Variants in PRRG1 observed in about 807,000 individuals in gnomAD.
PRRG1 encodes transmembrane gamma-carboxyglutamic acid protein 1.
In PRRG1, 5 loss-of-function variants were observed where a neutral mutation model predicts 11.8. The ratio of observed to expected loss-of-function variants is 0.42; its 90% CI spans 0.22 to 0.89. PRRG1 has a LOEUF of 0.89. Ranked by LOEUF, PRRG1 falls within the 40% of genes least tolerant of loss-of-function variation. PRRG1 has a pLI of 0.28. For synonymous variants in PRRG1, 66 were observed against 60.4 expected (o/e 1.09, Z -0.43); for missense variants, 155 against 166.1 (o/e 0.93, Z 0.37).
At chrX:37,399,412 T>G (rs1931864452) in intron 1 of PRRG1, among the ~76,000 whole-genome samples, 1 of 107,673 alleles carries the variant, frequency 9.3e-6, no homozygotes, top group Non-Finnish European at 1.9e-5. Flanking sequence ...AATAAAATAC[T>G]TTACAGACAA....
intron 2 of PRRG1, among the ~76,000 whole-genome samples, chrX:37,419,046 T>C (rs1004306845): frequency 1.1e-4 from 12 of 112,312 alleles, no homozygotes; most frequent in African/African-American, 3.6e-4. Flanking sequence ...AGAATGAGAA[T>C]GGGTTTATTT....
intron 1 of PRRG1, among the ~76,000 whole-genome samples, chrX:37,403,391 A>T (rs1379690563): frequency 9.8e-6 from 1 of 102,365 alleles, no homozygotes; most frequent in Non-Finnish European, 2.0e-5. Context: ...AGAAAACCAA[A>T]CACCGCCTGT....
At position 37,436,259 on chromosome X, in the gene PRRG1, G is replaced by T. The variant is rs979698225; in HGVS notation, c.171+10259G>T. ...TCTTGTGCACTCCATGTGCCATTCT[G>T]CCGCCAAGTTGCTGCTATATTTTAG... On this transcript the variant is annotated intron_variant, in intron 3 of 3. Transcript: ENST00000378628. Among the ~76,000 whole-genome samples the T allele has an allele frequency of 2.7e-5, 3 of 111,733 alleles. No individual in the cohort carries two copies. In the South Asian group the frequency reaches 1.1e-3, roughly 42 times the overall value.
intron 2 of PRRG1, among the ~76,000 whole-genome samples, chrX:37,406,744 A>G (rs1354621474): frequency 9.0e-6 from 1 of 111,352 alleles, no homozygotes; most frequent in Non-Finnish European, 1.9e-5. Context: ...CATTAGATGA[A>G]TTCCTTTTGT....
chrX:37,404,947 G>A (rs1932140670), intron 1 of PRRG1, among the ~76,000 whole-genome samples: 1 of 111,854 alleles, frequency 8.9e-6, no homozygotes, highest in Non-Finnish European at 1.9e-5. Context: ...GAGCTCCAAA[G>A]AACAAGACTC....
intron 1 of PRRG1, chrX:37,403,847 C>G (rs1223864295): frequency 3.1e-5 from 18 of 584,550 alleles, no homozygotes; most frequent in African/African-American, 2.6e-4. Flanking sequence ...TTTTATCTCT[C>G]TAAGAAAATT....
intron 1 of PRRG1, among the ~76,000 whole-genome samples, chrX:37,382,987 A>G (rs936951992): frequency 9.0e-6 from 1 of 111,431 alleles, no homozygotes; most frequent in Non-Finnish European, 1.9e-5. Context: ...TGAAGAGTTT[A>G]AAAGCAAAAG....
chrX:37,364,407 T>G (rs1930507208), intron 1 of PRRG1, among the ~76,000 whole-genome samples: 1 of 112,157 alleles, frequency 8.9e-6, no homozygotes, highest in African/African-American at 3.2e-5. Context: ...CATTTTATCT[T>G]TTATCTAACA....
At chrX:37,402,373 C>G (rs1424512185) in intron 1 of PRRG1, among the ~76,000 whole-genome samples, 1 of 111,626 alleles carries the variant, frequency 9.0e-6, no homozygotes, top group Non-Finnish European at 1.9e-5. Context: ...CTGACAAAAA[C>G]AAGCAATGGG....
At position 37,453,333 on chromosome X, in the gene PRRG1, T is replaced by G. The variant is rs138349857; in HGVS notation, c.369T>G (p.Pro123=). The change falls in exon 4 of 4, where the codon CCT becomes CCG. Residue 123 remains proline, a synonymous_variant. Coordinates refer to ENST00000378628, the MANE Select transcript of PRRG1 (RefSeq NM_001142395.2). ...QTVTEGHIPF[P]QHLNIITPPP... ...TGACTGAAGGCCACATTCCTTTCCCTCAGCACCTTAATATTATCACCCCAC... is the reference window on the plus strand; with the variant it reads ...TGACTGAAGGCCACATTCCTTTCCCGCAGCACCTTAATATTATCACCCCAC... 7,610 of 1,207,027 alleles carry G rather than the reference T, an allele frequency of 6.3e-3. 22 individuals are homozygous for G. The highest frequency in any genetic ancestry group is 7.6e-3 in the Non-Finnish European group (6,772 of 893,531).
At chrX:37,407,739 TG>T (rs1932224297) in intron 2 of PRRG1, among the ~76,000 whole-genome samples, 2 of 112,149 alleles carry the variant, frequency 1.8e-5, no homozygotes, top group African/African-American at 6.5e-5. Flanking sequence ...ATATCTTCAT[TG>T]TTTTTTTAAT....
intron 3 of PRRG1, among the ~76,000 whole-genome samples, chrX:37,442,540 A>G (rs1449664275): frequency 1.8e-5 from 2 of 111,224 alleles, no homozygotes; most frequent in African/African-American, 3.3e-5. Context: ...ATGTGGGTGC[A>G]TGTACATGGT....
intron 2 of PRRG1, among the ~76,000 whole-genome samples, chrX:37,417,546 A>G (rs782570720): frequency 8.9e-6 from 1 of 111,897 alleles, no homozygotes; most frequent in Non-Finnish European, 1.9e-5. Flanking sequence ...CATTGTACAT[A>G]TTTCCACCTT....
At chrX:37,407,070 A>G (rs1932207590) in intron 2 of PRRG1, among the ~76,000 whole-genome samples, 1 of 112,177 alleles carries the variant, frequency 8.9e-6, no homozygotes, top group Non-Finnish European at 1.9e-5. Context: ...GGCTTACTGC[A>G]TAGTTACAAT....
intron 3 of PRRG1, among the ~76,000 whole-genome samples, chrX:37,448,276 G>A (rs2146636937): frequency 8.9e-6 from 1 of 112,461 alleles, no homozygotes; most frequent in African/African-American, 3.2e-5. Flanking sequence ...GTACCCTTTA[G>A]AGGTTTCCTA....
chrX:37,428,157 G>A (rs1423372685), intron 3 of PRRG1, among the ~76,000 whole-genome samples: 4 of 110,528 alleles, frequency 3.6e-5, no homozygotes, highest in African/African-American at 1.3e-4. Context: ...GATTTGGGTG[G>A]GGACACAGCC....
intron 1 of PRRG1, among the ~76,000 whole-genome samples, chrX:37,356,614 G>C (rs1010585643): frequency 9.0e-6 from 1 of 111,225 alleles, no homozygotes; most frequent in Non-Finnish European, 1.9e-5. Flanking sequence ...TGTTGAGTTA[G>C]AGATGATTAT....
At chrX:37,432,301 T>C (rs1168974594) in intron 3 of PRRG1, among the ~76,000 whole-genome samples, 2 of 89,960 alleles carry the variant, frequency 2.2e-5, no homozygotes, top group African/African-American at 1.6e-4. Flanking sequence ...TTAGCCAGGA[T>C]GGTCTCGATC....
At chrX:37,401,736 C>T (rs1184358196) in intron 1 of PRRG1, among the ~76,000 whole-genome samples, 52 of 110,795 alleles carry the variant, frequency 4.7e-4, no homozygotes, top group African/African-American at 1.6e-3. Context: ...CTAGAAAACC[C>T]CATTGTCTCA....
Sources: gnomAD v4.1 joint callset for allele counts (sites outside exome capture counted in the v4.1 genomes callset) on GRCh38, gnomAD v4.1.1 for gene constraint, MANE v1.5 for transcripts, NCBI Gene and HGNC (gene_info 2026-07-23, HGNC 2026-07-21) for gene names.